Variants in DAP3 observed in about 807,000 individuals in gnomAD.
The protein encoded by DAP3 is death associated protein 3, also known as small ribosomal subunit protein mS29.
DAP3 carries 28 observed loss-of-function variants against 51.9 expected under a neutral mutation model. The observed-to-expected ratio is 0.54, with a 90% CI of 0.40 to 0.74. DAP3 has a LOEUF of 0.74. Ranked by LOEUF, DAP3 falls within the 30% of genes least tolerant of loss-of-function variation. DAP3 has a pLI of 0.00. For missense variants in DAP3, 458 were observed against 483.5 expected, an observed-to-expected ratio of 0.95 and a Z score of 0.49; for synonymous variants, 170 against 170.3, an observed-to-expected ratio of 1.00 and a Z score of 0.01.
At chr1:155,735,091 C>G (rs1224701248) in intron 11 of DAP3, among the ~76,000 whole-genome samples, 1 of 140,238 alleles carries the variant, frequency 7.1e-6, no homozygotes. Context: ...GGTGAAACCC[C>G]GTCTCTACCA....
intron 11 of DAP3, among the ~76,000 whole-genome samples, chr1:155,732,522 C>T (rs537996666): frequency 3.9e-5 from 6 of 152,186 alleles, no homozygotes; most frequent in Non-Finnish European, 7.4e-5. Context: ...TGAGCCACGG[C>T]GCCTGGCCTT....
intron 6 of DAP3, 185 bp downstream of exon 6, chr1:155,726,204 C>A: frequency 2.4e-6 from 1 of 423,872 alleles, no homozygotes; most frequent in South Asian, 3.4e-5. Flanking sequence ...ACCTCCGCCT[C>A]CCAGGCTCAA....
upstream of DAP3, chr1:155,688,319 T>TGGCGGC: frequency 2.6e-6 from 4 of 1,557,606 alleles, no homozygotes; most frequent in Non-Finnish European, 3.5e-6. Flanking sequence ...GAACCCAAAA[T>TGGCGGC]GGCGGCGGCA....
intron 9 of DAP3, among the ~76,000 whole-genome samples, chr1:155,731,150 C>G (rs1659197348): frequency 6.6e-6 from 1 of 151,890 alleles, no homozygotes; most frequent in South Asian, 2.1e-4. Context: ...GCCTATAGTC[C>G]CAGCTACTCA....
chr1:155,721,346 A>G (rs894817259), intron 3 of DAP3, among the ~76,000 whole-genome samples, 171 bp from the exon 4 acceptor site: 9 of 149,888 alleles, frequency 6.0e-5, no homozygotes, highest in Non-Finnish European at 1.3e-4. Context: ...AATAATATAT[A>G]TATATGTATG....
chr1:155,723,549 C>T (rs1658234211), intron 4 of DAP3, among the ~76,000 whole-genome samples: 2 of 151,890 alleles, frequency 1.3e-5, no homozygotes, highest in South Asian at 4.2e-4. Flanking sequence ...GGCTGGTCTC[C>T]AACTCCTAAC....
At chr1:155,737,425 T>C (rs1260866199) in intron 12 of DAP3, among the ~76,000 whole-genome samples, 1 of 152,220 alleles carries the variant, frequency 6.6e-6, no homozygotes, top group African/African-American at 2.4e-5. Context: ...AAATTCATAC[T>C]GTGCAAGGGC....
chr1:155,688,583 G>A (rs1172053436), upstream of DAP3: 6 of 1,536,526 alleles, frequency 3.9e-6, no homozygotes, highest in South Asian at 1.2e-5. Flanking sequence ...GCTCACCCAC[G>A]GGAACCTCCT....
At chr1:155,708,361 A>G (rs936335831) in intron 1 of DAP3, among the ~76,000 whole-genome samples, 1 of 152,016 alleles carries the variant, frequency 6.6e-6, no homozygotes, top group African/African-American at 2.4e-5. Context: ...TTTTGTTTGT[A>G]CATTTTCAAC....
chr1:155,722,021 A>G (rs1403064152), intron 4 of DAP3: 1 of 237,232 alleles, frequency 4.2e-6, no homozygotes, highest in African/African-American at 2.2e-5. Context: ...AATGTTATCA[A>G]ACTTGCCTGT....
intron 5 of DAP3, 135 bp downstream of exon 5, chr1:155,725,625 A>C (rs574621333): frequency 1.2e-6 from 1 of 858,628 alleles, no homozygotes; most frequent in South Asian, 1.7e-5. Context: ...GAGTTTGGGA[A>C]GCCGAGGCAG....
chr1:155,703,061 A>G (rs773381204), intron 1 of DAP3, among the ~76,000 whole-genome samples: 31 of 152,212 alleles, frequency 2.0e-4, no homozygotes, highest in Non-Finnish European at 3.7e-4. Flanking sequence ...GTTTTGTAGT[A>G]AGTGTTGGAA....
intron 2 of DAP3, among the ~76,000 whole-genome samples, chr1:155,714,899 G>A (rs1342630356): frequency 6.6e-6 from 1 of 151,476 alleles, no homozygotes; most frequent in Non-Finnish European, 1.5e-5. Flanking sequence ...TATATTTTCT[G>A]CACTCAAAAA....
chr1:155,713,735 A>G (rs533322461), intron 2 of DAP3, among the ~76,000 whole-genome samples: 5 of 152,306 alleles, frequency 3.3e-5, no homozygotes, highest in Non-Finnish European at 7.4e-5. Context: ...TGTGACCTTA[A>G]TCAAAATTAC....
chr1:155,728,921 C>G, intron 7 of DAP3, 121 bp from the exon 8 acceptor site: 1 of 900,666 alleles, frequency 1.1e-6, no homozygotes, highest in Non-Finnish European at 1.7e-6. Context: ...TCTTACAGAA[C>G]CTGAACAATA....
intron 7 of DAP3, among the ~76,000 whole-genome samples, chr1:155,728,125 A>T (rs1195006310): frequency 3.3e-5 from 5 of 152,138 alleles, no homozygotes; most frequent in Non-Finnish European, 4.4e-5. Flanking sequence ...CCCTGTCTAG[A>T]CCAGGGGCCT....
intron 1 of DAP3, among the ~76,000 whole-genome samples, chr1:155,699,418 C>A (rs970117655): frequency 1.3e-5 from 2 of 152,162 alleles, no homozygotes; most frequent in Non-Finnish European, 2.9e-5. Flanking sequence ...TAATGGTGAT[C>A]AGAAGACTTT....
Position 155,717,126 on chromosome 1 carries a change from C to G in DAP3, c.166C>G (p.Pro56Ala), listed in dbSNP as rs1657433715. The G allele has an allele frequency of 6.2e-7, 1 of 1,613,804 alleles. No homozygotes were observed. Among genetic ancestry groups the G allele is most frequent in the Non-Finnish European group, 8.5e-7 (1 of 1,179,946 alleles). Residue 56 changes from proline (P) to alanine (A), a missense_variant and splice_region_variant, in exon 3 of 13, where the codon CCG becomes GCG. Coordinates refer to ENST00000368336, the MANE Select transcript of DAP3 (RefSeq NM_004632.4). ...RAISRTNEND[P>A]AKHGDQHEGQ... is the part of the protein sequence containing the mutation. ...TATTTCCCGCACCAATGAGAATGAC[C>G]CGGTGAGTTACTAATATGTATATGG... is the stretch of plus-strand genomic sequence containing the variant.
At chr1:155,722,204 G>A (rs548574920) in intron 4 of DAP3, among the ~76,000 whole-genome samples, 5 of 151,958 alleles carry the variant, frequency 3.3e-5, no homozygotes, top group African/African-American at 4.8e-5. Flanking sequence ...CCAGGAGTTC[G>A]AGACCAGTCT....
Sources: allele counts gnomAD v4.1 joint callset (sites outside exome capture counted in the v4.1 genomes callset), GRCh38; gene constraint gnomAD v4.1.1; transcripts MANE v1.5; gene names NCBI Gene and HGNC (gene_info 2026-07-23, HGNC 2026-07-21).